FGD4: variants seen among roughly 807,000 people sequenced by gnomAD.
FGD4 encodes FYVE, RhoGEF and PH domain containing 4.
FGD4 carries 42 observed loss-of-function variants against 102.0 expected under a neutral mutation model. The observed-to-expected ratio is 0.41, with a 90% CI of 0.32 to 0.53. The LOEUF (loss-of-function observed/expected upper bound fraction) is 0.53. Ranked by LOEUF, FGD4 falls within the 20% of genes least tolerant of loss-of-function variation. The pLI, the probability that FGD4 is intolerant of heterozygous loss-of-function variation, is 0.21. For missense variants in FGD4, 902 were observed against 1,078.2 expected (o/e 0.84, Z 2.29); for synonymous variants, 380 against 375.7 (o/e 1.01, Z -0.13).
At position 32,432,051 on chromosome 12, in the gene FGD4, A is replaced by ATT. The variant is rs60933809; in HGVS notation, c.166+32118_166+32119dup. Among the ~76,000 whole-genome samples, 526 of 107,708 alleles carry ATT rather than the reference A, an allele frequency of 4.9e-3. 19 individuals are homozygous for ATT. The highest frequency in any genetic ancestry group is 9.9e-3 in the South Asian group (28 of 2,824). The allele number at this position is 107,708 out of a possible 152,430, so 70.7% of individuals were successfully genotyped here. ...AGTGGCTCATGCCTGTAATCCTAGC[A>ATT]TTTTTTTTTTTTTTTTTTTTTTTTT... On this transcript the variant is annotated intron_variant, in intron 1 of 16. Transcript: ENST00000534526.
intron 1 of FGD4, among the ~76,000 whole-genome samples, chr12:32,552,433 C>CT (rs1943744702): frequency 4.7e-5 from 4 of 84,876 alleles, no homozygotes; most frequent in African/African-American, 1.7e-4. Context: ...CTAATTTTTG[C>CT]ATTTTTTTTT....
intron 1 of FGD4, among the ~76,000 whole-genome samples, chr12:32,547,730 G>A (rs978246436): frequency 1.3e-5 from 2 of 152,200 alleles, no homozygotes; most frequent in South Asian, 2.1e-4. Context: ...TTTTTAAGAC[G>A]GAGTCTCACT....
intron 1 of FGD4, among the ~76,000 whole-genome samples, chr12:32,460,288 G>T (rs927500216): frequency 3.3e-5 from 5 of 152,268 alleles, no homozygotes; most frequent in Admixed American, 6.5e-5. Flanking sequence ...GAGGCGGGAG[G>T]TTTGCTTGAG....
At chr12:32,464,538 G>C (rs896147946) in intron 1 of FGD4, among the ~76,000 whole-genome samples, 7 of 152,164 alleles carry the variant, frequency 4.6e-5, no homozygotes, top group African/African-American at 1.7e-4. Context: ...AATGCACATA[G>C]GGTATTTATA....
intron 4 of FGD4, among the ~76,000 whole-genome samples, chr12:32,591,096 T>G (rs1404160562): frequency 1.3e-5 from 2 of 152,200 alleles, no homozygotes; most frequent in African/African-American, 2.4e-5. Flanking sequence ...ACTCAACTTC[T>G]TTACCAGAGA....
intron 3 of FGD4, chr12:32,579,722 A>C (rs1223614439): frequency 6.6e-6 from 1 of 152,202 alleles, no homozygotes; most frequent in African/African-American, 2.4e-5. Flanking sequence ...TGTCCTCCTC[A>C]AGGGGGCAAA....
intron 1 of FGD4, among the ~76,000 whole-genome samples, chr12:32,476,848 A>C (rs2136534444): frequency 6.6e-6 from 1 of 152,250 alleles, no homozygotes; most frequent in Non-Finnish European, 1.5e-5. Context: ...GGAGAAATAG[A>C]CCCCATCTCT....
intron 2 of FGD4, among the ~76,000 whole-genome samples, chr12:32,569,814 G>A (rs1361315664): frequency 1.3e-5 from 2 of 152,040 alleles, no homozygotes; most frequent in Non-Finnish European, 2.9e-5. Flanking sequence ...CCTATATAGA[G>A]GTATAAGAAT....
intron 1 of FGD4, among the ~76,000 whole-genome samples, chr12:32,525,350 T>A (rs934708723): frequency 1.3e-5 from 2 of 152,262 alleles, no homozygotes; most frequent in Non-Finnish European, 2.9e-5. Flanking sequence ...TATGGCTATG[T>A]GTCCATAACA....
intron 1 of FGD4, among the ~76,000 whole-genome samples, chr12:32,525,074 GTTC>G (rs755987726): frequency 5.9e-5 from 9 of 152,314 alleles, no homozygotes; most frequent in Admixed American, 2.0e-4. Context: ...AAGCCCCTGT[GTTC>G]TTCTTTCTTT....
intron 3 of FGD4, among the ~76,000 whole-genome samples, chr12:32,577,023 T>C (rs1461889506): frequency 6.6e-6 from 1 of 152,236 alleles, no homozygotes; most frequent in East Asian, 1.9e-4. Flanking sequence ...AAATGTATGC[T>C]AAATTTCAGT....
intron 14 of FGD4, among the ~76,000 whole-genome samples, chr12:32,626,491 A>G (rs1462513937): frequency 6.6e-6 from 1 of 151,830 alleles, no homozygotes; most frequent in Admixed American, 6.6e-5. Context: ...GCTAATAATC[A>G]ATAGAGACAG....
intron 1 of FGD4, among the ~76,000 whole-genome samples, chr12:32,420,953 C>G (rs1373964636): frequency 6.6e-6 from 1 of 152,074 alleles, no homozygotes; most frequent in Non-Finnish European, 1.5e-5. Flanking sequence ...AGTATGGTGG[C>G]ATGATCATAG....
At chr12:32,582,785 G>T (rs1946719357) in intron 4 of FGD4, 1 of 356,732 alleles carries the variant, frequency 2.8e-6, no homozygotes, top group Non-Finnish European at 5.2e-6. Flanking sequence ...TGCTCTAGAT[G>T]TTGGTGCTGT....
At chr12:32,531,553 T>C (rs538672660) in intron 1 of FGD4, among the ~76,000 whole-genome samples, 41 of 152,362 alleles carry the variant, frequency 2.7e-4, no homozygotes, top group Non-Finnish European at 4.4e-4. Flanking sequence ...TTATCACATA[T>C]GTGTAGCCCT....
intron 4 of FGD4, 27 bp downstream of exon 4, chr12:32,582,494 A>T (rs1469587543): frequency 4.4e-6 from 7 of 1,604,908 alleles, no homozygotes; most frequent in Non-Finnish European, 5.9e-6. Context: ...GCTCATGAGC[A>T]GGGAAAACCC....
chr12:32,527,961 T>C (rs1019574683), intron 1 of FGD4, among the ~76,000 whole-genome samples: 6 of 143,598 alleles, frequency 4.2e-5, no homozygotes, highest in Non-Finnish European at 8.8e-5. Context: ...CTTTTTCTTT[T>C]TTCTTTTTCT....
chr12:32,466,929 A>G (rs1943270567), intron 1 of FGD4, among the ~76,000 whole-genome samples: 1 of 151,486 alleles, frequency 6.6e-6, no homozygotes, highest in Non-Finnish European at 1.5e-5. Flanking sequence ...TGGTACAGGC[A>G]AGGCCTTTTT....
chr12:32,425,643 A>G (rs1276322917), intron 1 of FGD4, among the ~76,000 whole-genome samples: 1 of 152,182 alleles, frequency 6.6e-6, no homozygotes, highest in Non-Finnish European at 1.5e-5. Context: ...ATAGCATTGA[A>G]TGTGTAAATT....
Sources: allele counts gnomAD v4.1 joint callset (sites outside exome capture counted in the v4.1 genomes callset), GRCh38; gene constraint gnomAD v4.1.1; transcripts MANE v1.5; gene names NCBI Gene and HGNC (gene_info 2026-07-23, HGNC 2026-07-21).